CTNNA3: variants seen among roughly 807,000 people sequenced by gnomAD.
CTNNA3 encodes catenin alpha-3.
In CTNNA3, 76 loss-of-function variants were observed where a neutral mutation model predicts 95.7. The observed-to-expected ratio is 0.79, with a 90% CI of 0.66 to 0.96. CTNNA3 has a LOEUF of 0.96. Ranked by LOEUF, CTNNA3 falls within the 40% of genes least tolerant of loss-of-function variation. The pLI is 0.00. For missense variants in CTNNA3, 1,191 were observed against 1,089.8 expected, an observed-to-expected ratio of 1.09 and a Z score of -1.31; for synonymous variants, 431 against 374.4, an observed-to-expected ratio of 1.15 and a Z score of -1.74.
intron 5 of CTNNA3, among the ~76,000 whole-genome samples, chr10:67,300,271 G>A (rs1039926422): frequency 6.6e-5 from 10 of 152,252 alleles, no homozygotes; most frequent in East Asian, 1.9e-4. Flanking sequence ...CAAACACCTC[G>A]TTTGTAATGA....
intron 6 of CTNNA3, among the ~76,000 whole-genome samples, chr10:67,202,377 T>C (rs1352227612): frequency 1.3e-5 from 2 of 152,062 alleles, no homozygotes; most frequent in East Asian, 3.9e-4. Flanking sequence ...AACAATGTTC[T>C]CCATAATAAA....
chr10:66,148,613 C>T (rs1000850277), intron 13 of CTNNA3, among the ~76,000 whole-genome samples: 1 of 151,970 alleles, frequency 6.6e-6, no homozygotes, highest in African/African-American at 2.4e-5. Flanking sequence ...ATGAGGAATA[C>T]AGTGAGAAAG....
At chr10:67,102,231 T>C (rs771796116) in intron 7 of CTNNA3, among the ~76,000 whole-genome samples, 10 of 151,734 alleles carry the variant, frequency 6.6e-5, no homozygotes, top group Admixed American at 4.6e-4. Flanking sequence ...CCAGGAGCAA[T>C]GCTTTCAAAA....
intron 5 of CTNNA3, among the ~76,000 whole-genome samples, chr10:67,304,024 G>A (rs910778128): frequency 2.0e-5 from 3 of 152,110 alleles, no homozygotes; most frequent in African/African-American, 7.2e-5. Flanking sequence ...CTTGCTTTCA[G>A]CTAGACAAAC....
intron 7 of CTNNA3, among the ~76,000 whole-genome samples, chr10:66,945,735 G>A (rs1564786348): frequency 6.6e-6 from 1 of 152,106 alleles, no homozygotes; most frequent in Non-Finnish European, 1.5e-5. Flanking sequence ...GATTTCAAGT[G>A]AGATAAATGT....
chr10:67,038,165 T>C (rs992417366), intron 7 of CTNNA3, among the ~76,000 whole-genome samples: 5 of 152,144 alleles, frequency 3.3e-5, no homozygotes, highest in African/African-American at 1.2e-4. Context: ...TTATAAAGAT[T>C]ATCTGAAATT....
intron 7 of CTNNA3, among the ~76,000 whole-genome samples, chr10:67,017,402 AAAG>A (rs1198400384): frequency 6.6e-6 from 1 of 152,178 alleles, no homozygotes; most frequent in Non-Finnish European, 1.5e-5. Flanking sequence ...GTTGCTCTGG[AAAG>A]AAGAACAGAG....
intron 5 of CTNNA3, among the ~76,000 whole-genome samples, chr10:67,359,891 A>AT (rs777163302): frequency 1.3e-5 from 2 of 152,140 alleles, no homozygotes; most frequent in African/African-American, 4.8e-5. Flanking sequence ...TTCTGAAGGC[A>AT]TTTTGTAATC....
chr10:67,165,446 G>A (rs1472118249), intron 7 of CTNNA3, among the ~76,000 whole-genome samples: 1 of 152,064 alleles, frequency 6.6e-6, no homozygotes, highest in Admixed American at 6.6e-5. Flanking sequence ...TTTCTGTATC[G>A]TTTTTGTGTT....
chr10:67,395,464 T>C (rs955604430), intron 5 of CTNNA3, among the ~76,000 whole-genome samples: 1 of 152,172 alleles, frequency 6.6e-6, no homozygotes, highest in Non-Finnish European at 1.5e-5. Context: ...CCAGCTCTAA[T>C]ATAAGCAACA....
intron 13 of CTNNA3, among the ~76,000 whole-genome samples, chr10:66,179,087 A>C (rs1021426914): frequency 6.6e-6 from 1 of 152,068 alleles, no homozygotes; most frequent in African/African-American, 2.4e-5. Flanking sequence ...TATGTTCACC[A>C]CAAAAACCTG....
chr10:66,668,455 T>A (rs1012878360), intron 9 of CTNNA3, among the ~76,000 whole-genome samples: 7 of 150,090 alleles, frequency 4.7e-5, no homozygotes, highest in African/African-American at 1.8e-4. Flanking sequence ...TGTGTGTGTG[T>A]GTGATACACA....
At chr10:66,692,909 T>C (rs1401074720) in intron 9 of CTNNA3, among the ~76,000 whole-genome samples, 1 of 152,040 alleles carries the variant, frequency 6.6e-6, no homozygotes, top group Non-Finnish European at 1.5e-5. Flanking sequence ...GACAAGCAAA[T>C]GCTGAGAGAT....
chr10:67,726,679 A>ATG (rs1564841422), intron 1 of CTNNA3, among the ~76,000 whole-genome samples: 17 of 80,466 alleles, frequency 2.1e-4, no homozygotes, highest in African/African-American at 7.9e-4. Context: ...TTAATTATAT[A>ATG]ATATATGATG....
At chr10:67,636,832 G>A (rs549450160) in intron 2 of CTNNA3, among the ~76,000 whole-genome samples, 9 of 152,070 alleles carry the variant, frequency 5.9e-5, no homozygotes, top group African/African-American at 1.7e-4. Flanking sequence ...ACTAATAAAC[G>A]GAAAGGACAT....
chr10:67,621,016 C>T (rs1382696436), intron 2 of CTNNA3, among the ~76,000 whole-genome samples: 1 of 150,926 alleles, frequency 6.6e-6, no homozygotes, highest in African/African-American at 2.4e-5. Flanking sequence ...ATAGAAGGGG[C>T]ACCATTTTAT....
chr10:66,184,164 G>T (rs926793669), intron 13 of CTNNA3, among the ~76,000 whole-genome samples: 1 of 151,896 alleles, frequency 6.6e-6, no homozygotes, highest in Non-Finnish European at 1.5e-5. Flanking sequence ...CTGGGCGCGG[G>T]GGTGGGCGCC....
intron 17 of CTNNA3, among the ~76,000 whole-genome samples, chr10:65,961,304 T>C (rs2077837603): frequency 6.6e-6 from 1 of 151,900 alleles, no homozygotes; most frequent in Non-Finnish European, 1.5e-5. Context: ...TACTCAGTAC[T>C]CAACTGATCA....
chr10:65,961,635 T>G (rs1006295072), intron 17 of CTNNA3, among the ~76,000 whole-genome samples: 1 of 152,076 alleles, frequency 6.6e-6, no homozygotes, highest in Non-Finnish European at 1.5e-5. Flanking sequence ...GAAACAGAAC[T>G]CTGATTACAC....
Sources: allele counts gnomAD v4.1 joint callset (sites outside exome capture counted in the v4.1 genomes callset), GRCh38; gene constraint gnomAD v4.1.1; transcripts MANE v1.5; gene names NCBI Gene and HGNC (gene_info 2026-07-23, HGNC 2026-07-21).